VSIG1: variants seen among roughly 807,000 people sequenced by gnomAD.
VSIG1 encodes the protein V-set and immunoglobulin domain-containing protein 1.
In VSIG1, 11 loss-of-function variants were observed where a neutral mutation model predicts 20.1. The observed-to-expected ratio is 0.55, with a 90% CI of 0.34 to 0.91. The LOEUF (loss-of-function observed/expected upper bound fraction) is 0.91, where lower values mean the gene tolerates loss of function less well. VSIG1 is among the 40% of genes least tolerant of loss of function. VSIG1 has a pLI of 0.02. For missense variants in VSIG1, 283 were observed against 298.8 expected, an observed-to-expected ratio of 0.95 and a Z score of 0.39; for synonymous variants, 126 against 116.7, an observed-to-expected ratio of 1.08 and a Z score of -0.52.
the VSIG1 span, among the ~76,000 whole-genome samples, chrX:108,030,106 C>T: frequency 3.6e-5 from 4 of 111,427 alleles, no homozygotes; most frequent in Non-Finnish European, 7.5e-5. Context: ...TGACATGTCC[C>T]GAGAGTCCCA....
At chrX:108,047,969 T>C (rs868853017) in intron 1 of VSIG1, among the ~76,000 whole-genome samples, 2 of 43,069 alleles carry the variant, frequency 4.6e-5, no homozygotes, top group Non-Finnish European at 8.4e-5. Context: ...CACATATATA[T>C]ATATATATAT....
upstream of VSIG1, among the ~76,000 whole-genome samples, chrX:108,043,341 C>T (rs1031327096): frequency 5.4e-5 from 6 of 111,765 alleles, no homozygotes; most frequent in African/African-American, 1.9e-4. Context: ...GTGCAGTCAA[C>T]GAGTTTACCA....
At chrX:108,069,643 G>A (rs1392895593) in intron 3 of VSIG1, among the ~76,000 whole-genome samples, 1 of 111,575 alleles carries the variant, frequency 9.0e-6, no homozygotes, top group African/African-American at 3.3e-5. Context: ...CCAGCAGTGA[G>A]CATCAATCCC....
At chrX:108,051,605 T>C (rs2030786632) in intron 1 of VSIG1, among the ~76,000 whole-genome samples, 1 of 111,616 alleles carries the variant, frequency 9.0e-6, no homozygotes, top group Non-Finnish European at 1.9e-5. Context: ...TCATCTGTCA[T>C]ACCAAGAATC....
chrX:108,064,519 A>T (rs181851776), intron 2 of VSIG1, among the ~76,000 whole-genome samples: 2 of 111,497 alleles, frequency 1.8e-5, no homozygotes, highest in East Asian at 5.7e-4. Flanking sequence ...GGACACTTTT[A>T]CTTCTTCTCA....
chrX:108,021,313 A>T, the VSIG1 span, among the ~76,000 whole-genome samples: 2 of 111,460 alleles, frequency 1.8e-5, no homozygotes, highest in African/African-American at 3.3e-5. Context: ...GATAATCTCA[A>T]TGCCGTATAT....
the VSIG1 span, among the ~76,000 whole-genome samples, chrX:108,036,547 C>T: frequency 8.9e-6 from 1 of 112,118 alleles, no homozygotes; most frequent in Non-Finnish European, 1.9e-5. Flanking sequence ...TCCCTACTAT[C>T]ACTAGGTAAG....
chrX:108,024,022 G>T, the VSIG1 span, among the ~76,000 whole-genome samples: 1 of 111,602 alleles, frequency 9.0e-6, no homozygotes, highest in South Asian at 3.7e-4. Flanking sequence ...GCTCTGGATT[G>T]CAGGGGAGAT....
chrX:108,071,124 G>A (rs762567033), intron 3 of VSIG1, among the ~76,000 whole-genome samples: 1 of 111,775 alleles, frequency 8.9e-6, no homozygotes, highest in South Asian at 3.8e-4. Flanking sequence ...CCAGGGTAGA[G>A]TTACAAAGCC....
At chrX:108,035,040 A>AT in the VSIG1 span, among the ~76,000 whole-genome samples, 1 of 111,926 alleles carries the variant, frequency 8.9e-6, no homozygotes, top group African/African-American at 3.2e-5. Flanking sequence ...CATCTTTGTC[A>AT]TTTTTTCCTG....
At chrX:108,037,317 A>G in the VSIG1 span, among the ~76,000 whole-genome samples, 6 of 111,904 alleles carry the variant, frequency 5.4e-5, no homozygotes, top group Non-Finnish European at 1.1e-4. Flanking sequence ...ATGATCAAAA[A>G]ATATATATGA....
chrX:108,034,582 C>T, the VSIG1 span, among the ~76,000 whole-genome samples: 1 of 112,004 alleles, frequency 8.9e-6, no homozygotes, highest in Non-Finnish European at 1.9e-5. Context: ...AGAAATTTCC[C>T]ACATTTCAGT....
At chrX:108,042,277 G>T (rs2147911958), upstream of VSIG1, among the ~76,000 whole-genome samples, 1 of 111,562 alleles carries the variant, frequency 9.0e-6, no homozygotes, top group African/African-American at 3.3e-5. Context: ...GGTGCAGATG[G>T]GTTTGGGCAA....
At chrX:108,031,891 G>A in the VSIG1 span, among the ~76,000 whole-genome samples, 1 of 111,894 alleles carries the variant, frequency 8.9e-6, no homozygotes, top group Non-Finnish European at 1.9e-5. Flanking sequence ...ATAACAGCAG[G>A]CAAGGCTCTC....
chrX:108,058,025 A>T lies in VSIG1; in HGVS notation c.50-13A>T. 8.4e-7 allele frequency: 1 copy of T among 1,191,376 alleles called. No individual in the cohort carries two copies. Among genetic ancestry groups the T allele is most frequent in the Non-Finnish European group, 1.1e-6 (1 of 885,957 alleles). ...AGTATGTACTATTGATTTTTTTATG[A>T]TTATCTTTTCAGGTCAGGTTAGTGT... On this transcript the variant is annotated splice_polypyrimidine_tract_variant and intron_variant, in intron 1 of 6. Coordinates refer to ENST00000217957, the MANE Select transcript of VSIG1 (RefSeq NM_182607.5).
In VSIG1 at chrX:108,047,833, C is replaced by CAT. The variant is rs1423558840; in HGVS notation, c.49+2664_49+2665dup. On this transcript the variant is annotated intron_variant, in intron 1 of 6. Transcript: ENST00000217957. The stretch of plus-strand genomic sequence containing the variant: ...ACATATATATATACATATATATACA[C>CAT]ATATATATATACATATATATATACA... 4.6e-4 allele frequency among the ~76,000 whole-genome samples: 21 copies of CAT among 45,282 alleles called. 1 individual carries two copies. In the South Asian group the frequency reaches 0.01, roughly 22 times the overall value. The allele number at this position is 45,282 out of a possible 115,157, so 39.3% of individuals were successfully genotyped here. A position where few individuals can be genotyped will look rare whatever the true frequency, so the allele number is the denominator to read the frequency against.
chrX:108,073,409 C>A, intron 5 of VSIG1, 40 bp downstream of exon 5: 1 of 1,199,070 alleles, frequency 8.3e-7, no homozygotes, highest in Non-Finnish European at 1.1e-6. Context: ...CTCCTTAAAT[C>A]AAGTAGTCTG....
chrX:108,070,689 C>T lies in VSIG1; in HGVS notation c.413-1988C>T, dbSNP rs969065515. 3.6e-5 allele frequency among the ~76,000 whole-genome samples: 4 copies of T among 112,190 alleles called. No individual in the cohort carries two copies. In the Admixed American group the frequency reaches 3.8e-4, roughly 11 times the overall value. ...TAAATCTAGTGATAGCTGCAATGGA[C>T]TTCTGGTTAAATAGCTTAGTTTAGG... On this transcript the variant is annotated intron_variant, in intron 3 of 6. Transcript: ENST00000217957.
intron 2 of VSIG1, among the ~76,000 whole-genome samples, chrX:108,058,623 A>G (rs2030959573): frequency 9.0e-6 from 1 of 111,653 alleles, no homozygotes; most frequent in South Asian, 3.8e-4. Flanking sequence ...TCTGGCTGTC[A>G]AGTGAACTAG....
Sources: gnomAD v4.1 joint callset for allele counts (sites outside exome capture counted in the v4.1 genomes callset) on GRCh38, gnomAD v4.1.1 for gene constraint, MANE v1.5 for transcripts, NCBI Gene and HGNC (gene_info 2026-07-23, HGNC 2026-07-21) for gene names.